The following CCDC97 variants were observed in gnomAD, a reference collection of about 807,000 sequenced individuals.
CCDC97 encodes coiled-coil domain containing 97, also known as coiled-coil domain-containing protein 97.
A neutral mutation model predicts 33.9 loss-of-function variants in CCDC97; 27 were observed. The ratio of observed to expected loss-of-function variants is 0.80; its 90% CI spans 0.59 to 1.10. The LOEUF is 1.10. Ranked by LOEUF, CCDC97 falls within the 50% of genes least tolerant of loss-of-function variation. The pLI is 0.00. For synonymous variants in CCDC97, 217 were observed against 194.0 expected (o/e 1.12, Z -0.99); for missense variants, 422 against 476.6 (o/e 0.89, Z 1.07).
intron 1 of CCDC97, among the ~76,000 whole-genome samples, chr19:41,312,972 A>G (rs368419656): frequency 7.2e-5 from 11 of 151,928 alleles, no homozygotes; most frequent in Non-Finnish European, 1.3e-4. Flanking sequence ...GTAGAGCGCC[A>G]TGTTGGCCAA....
chr19:41,316,959 G>A (rs2037757250), intron 2 of CCDC97, 120 bp downstream of exon 2: 5 of 770,744 alleles, frequency 6.5e-6, no homozygotes, highest in African/African-American at 1.8e-5. Context: ...GAAGTTCTGA[G>A]ACAGAGACAG....
chr19:41,324,235 G>A lies in CCDC97; in HGVS notation c.*1520G>A, dbSNP rs901522607. 3.3e-5 allele frequency: 5 copies of A among 152,228 alleles called. No homozygotes were observed. The highest frequency in any genetic ancestry group is 5.9e-5 in the Non-Finnish European group (4 of 68,050). 9.4% of individuals were successfully genotyped at this position (152,228 alleles called of 1,614,324 possible). Reference sequence around the variant, plus strand: ...CTTCTGTCCTCTGTCAGGCCCGAGCGAAGTGCCTGACACCGGGTTGGATCC... The same window carrying A: ...CTTCTGTCCTCTGTCAGGCCCGAGCAAAGTGCCTGACACCGGGTTGGATCC... On this transcript the variant is annotated 3_prime_UTR_variant, in exon 5 of 5. Transcript: ENST00000269967.
intron 1 of CCDC97, among the ~76,000 whole-genome samples, chr19:41,315,432 C>T (rs1272480791): frequency 1.3e-5 from 2 of 151,330 alleles, no homozygotes; most frequent in African/African-American, 4.9e-5. Flanking sequence ...CATAGCGAAA[C>T]CCTGTCTCTA....
chr19:41,319,754 A>ACGAGGAG lies in CCDC97; in HGVS notation c.686_692dup (p.Glu232GlyfsTer29), dbSNP rs1366694404. ...CTCTCCAACTTGCTGCTCCAGTCCT[A>ACGAGGAG]CGAGGAGCGGGAGCTACAGCAGCGT... On this transcript the variant is annotated frameshift_variant, in exon 3 of 5. Coordinates refer to ENST00000269967, the MANE Select transcript of CCDC97 (RefSeq NM_052848.3). LOFTEE classifies it high-confidence loss of function. 1 of 1,613,704 alleles carries ACGAGGAG rather than the reference A, an allele frequency of 6.2e-7. No individual in the cohort carries two copies. Among genetic ancestry groups the ACGAGGAG allele is most frequent in the Admixed American group, 1.7e-5 (1 of 60,018 alleles).
At chr19:41,319,085 A>G (rs1427121396) in intron 2 of CCDC97, among the ~76,000 whole-genome samples, 1 of 152,222 alleles carries the variant, frequency 6.6e-6, no homozygotes, top group Non-Finnish European at 1.5e-5. Context: ...GTACACGTCC[A>G]TGGGCAGGAG....
At position 41,319,693 on chromosome 19, in the gene CCDC97, C is replaced by T; in HGVS notation, c.622C>T (p.Pro208Ser). Reference protein sequence around the residue: ...LSARTPTHQPPKPGSPGRPAC... With the variant: ...LSARTPTHQPSKPGSPGRPAC... The stretch of plus-strand genomic sequence containing the variant: ...TGCCCGCACCCCAACCCACCAGCCC[C>T]CCAAGCCCGGGTCCCCCGGGAGACC... Residue 208 changes from proline (P) to serine (S), a missense_variant, in exon 3 of 5, where the codon CCC (proline) becomes TCC (serine). By Grantham distance (74) the Pro-to-Ser change is moderately conservative. Coordinates refer to ENST00000269967, the MANE Select transcript of CCDC97 (RefSeq NM_052848.3). 1 of 1,614,054 alleles carries T rather than the reference C, an allele frequency of 6.2e-7. No individual in the cohort carries two copies. Among genetic ancestry groups the T allele is most frequent in the Non-Finnish European group, 8.5e-7 (1 of 1,179,916 alleles).
chr19:41,310,832 C>T (rs887372836), intron 1 of CCDC97: 5 of 989,406 alleles, frequency 5.1e-6, no homozygotes, highest in African/African-American at 3.5e-5. Flanking sequence ...TTGTAACTCC[C>T]GTTTCCCCCA....
At chr19:41,310,430 C>T in intron 1 of CCDC97, 74 bp downstream of exon 1, 2 of 1,546,060 alleles carry the variant, frequency 1.3e-6, no homozygotes, top group Non-Finnish European at 1.7e-6. Context: ...CCCCCAGGAA[C>T]GCGAAGTAGG....
In CCDC97 at chr19:41,316,676, A is replaced by T. The variant is rs150772304; in HGVS notation, c.339A>T (p.Thr113=). Reference sequence around the variant, plus strand: ...TGGTGTTCCTGGAGCGCTTCCGCACAGGCCTCCGTGAGGAGCATCTGGCCT... The same window carrying T: ...TGGTGTTCCTGGAGCGCTTCCGCACTGGCCTCCGTGAGGAGCATCTGGCCT... The part of the protein sequence containing the change: ...KPLVFLERFR[T]GLREEHLACF... Residue 113 remains threonine (T), a synonymous_variant, in exon 2 of 5, where the codon ACA becomes ACT. Transcript: ENST00000269967. 1 of 1,614,116 alleles carries T rather than the reference A, an allele frequency of 6.2e-7. No individual in the cohort carries two copies. The highest frequency in any genetic ancestry group is 8.5e-7 in the Non-Finnish European group (1 of 1,180,008).
rs1004186296 is a variant in CCDC97, at chr19:41,318,682, A to G, written c.503-892A>G. 1.6e-4 allele frequency among the ~76,000 whole-genome samples: 25 copies of G among 152,308 alleles called. 1 individual carries two copies. Among genetic ancestry groups the G allele is most frequent in the East Asian group, 1.9e-4 (1 of 5,182 alleles). On this transcript the variant is annotated intron_variant, in intron 2 of 4. Coordinates refer to ENST00000269967, the MANE Select transcript of CCDC97 (RefSeq NM_052848.3). ...ATTTGAGGGACAGAGTCACTCGTGCAGAAACAGGCAGCCAGGGGTGATGCA... is the reference window on the plus strand; with the variant it reads ...ATTTGAGGGACAGAGTCACTCGTGCGGAAACAGGCAGCCAGGGGTGATGCA...
Position 41,310,442 on chromosome 19 carries a change from C to T in CCDC97, c.46+86C>T, listed in dbSNP as rs1424426759. ...ATTCCCCCAGGAACGCGAAGTAGGA[C>T]TCGTTTTAGGGGGACACCCACCCCC... On this transcript the variant is annotated intron_variant, in intron 1 of 4. Coordinates refer to ENST00000269967, the MANE Select transcript of CCDC97 (RefSeq NM_052848.3). 11 of 1,537,406 alleles carry T rather than the reference C, an allele frequency of 7.2e-6. No individual in the cohort carries two copies. In the East Asian group the frequency reaches 2.4e-4, roughly 34 times the overall value.
intron 1 of CCDC97, among the ~76,000 whole-genome samples, chr19:41,312,558 G>C (rs1301424812): frequency 1.3e-5 from 2 of 152,242 alleles, no homozygotes; most frequent in African/African-American, 4.8e-5. Context: ...CTGTAACAAA[G>C]TACTACAAAC....
intron 1 of CCDC97, chr19:41,310,926 G>C (rs1468085349): frequency 3.1e-6 from 3 of 966,798 alleles, no homozygotes; most frequent in African/African-American, 1.8e-5. Flanking sequence ...ATCCGACGTC[G>C]GGTGAGGTGT....
rs760139099 is a variant in CCDC97, at chr19:41,316,842, G to T, written c.502+3G>T. 58 of 1,577,174 alleles carry T rather than the reference G, an allele frequency of 3.7e-5. No individual in the cohort carries two copies. The highest frequency in any genetic ancestry group is 4.9e-5 in the Non-Finnish European group (57 of 1,154,390). ...TGCCCTGCGAGAGCTGATCCAAGGT[G>T]TGGGGGCCAGATGGGCGACAGTGGG... On this transcript the variant is annotated splice_donor_region_variant and intron_variant, in intron 2 of 4. Transcript: ENST00000269967.
At position 41,322,680 on chromosome 19, in the gene CCDC97, G is replaced by C. The variant is rs1432288510; in HGVS notation, c.997G>C (p.Glu333Gln). The C allele has an allele frequency of 4.3e-6, 7 of 1,613,742 alleles. No individual in the cohort carries two copies. The highest frequency in any genetic ancestry group is 5.9e-6 in the Non-Finnish European group (7 of 1,179,878). ...GAGGTACTTTGATGAGGAAGAACCT[G>C]AGGATGCGCCCAGCCCAGAGCTGGA... ...EERYFDEEEP[E>Q]DAPSPELDGD is the part of the protein sequence containing the mutation. Residue 333 changes from glutamate to glutamine, a missense_variant, in exon 5 of 5, where the codon GAG becomes CAG. Coordinates refer to ENST00000269967, the MANE Select transcript of CCDC97 (RefSeq NM_052848.3).
intron 1 of CCDC97, 33 bp from the exon 2 acceptor site, chr19:41,316,351 A>G (rs1568468685): frequency 1.9e-6 from 3 of 1,557,758 alleles, no homozygotes; most frequent in African/African-American, 1.4e-5. Context: ...CCACACTCCC[A>G]TCTCTGAACT....
intron 3 of CCDC97, 89 bp from the exon 4 acceptor site, chr19:41,320,252 G>A: frequency 6.4e-7 from 1 of 1,554,252 alleles, no homozygotes; most frequent in Non-Finnish European, 8.8e-7. Flanking sequence ...GCAAGGCTGG[G>A]CACAGGAGCA....
At chr19:41,310,882 T>C (rs1344218963) in intron 1 of CCDC97, 1 of 988,302 alleles carries the variant, frequency 1.0e-6, no homozygotes, top group Non-Finnish European at 1.2e-6. Flanking sequence ...AAGTCCTTAC[T>C]CAATTTCTGT....
chr19:41,320,133 C>G (rs1250479790), intron 3 of CCDC97, among the ~76,000 whole-genome samples: 2 of 152,142 alleles, frequency 1.3e-5, no homozygotes, highest in African/African-American at 4.8e-5. Flanking sequence ...GATCCTGACC[C>G]GAGGATACAG....
Sources: allele counts gnomAD v4.1 joint callset (sites outside exome capture counted in the v4.1 genomes callset), GRCh38; gene constraint gnomAD v4.1.1; transcripts MANE v1.5; gene names NCBI Gene and HGNC (gene_info 2026-07-23, HGNC 2026-07-21).